Variants in BRCA1 observed in about 807,000 individuals in gnomAD.
The protein encoded by BRCA1 is BRCA1 DNA repair associated.
A neutral mutation model predicts 173.7 loss-of-function variants in BRCA1; 140 were observed. The observed-to-expected ratio is 0.81, with a 90% CI of 0.70 to 0.93. BRCA1 has a LOEUF of 0.93. Among genes scored for constraint, BRCA1 ranks in the 40% least tolerant of loss-of-function variants. The pLI is 0.00. For synonymous variants in BRCA1, 662 were observed against 756.0 expected, an observed-to-expected ratio of 0.88 and a Z score of 2.04; for missense variants, 1,983 against 2,172.5, an observed-to-expected ratio of 0.91 and a Z score of 1.73.
chr17:43,097,366 A>G, intron 7 of BRCA1, 77 bp from the exon 8 acceptor site: 1 of 1,176,620 alleles, frequency 8.5e-7, no homozygotes, highest in Non-Finnish European at 1.3e-6. Flanking sequence ...TACTTGTTGA[A>G]AAACAGATAT....
chr17:43,098,752 T>A (rs1181216060), intron 7 of BRCA1, among the ~76,000 whole-genome samples: 3 of 151,892 alleles, frequency 2.0e-5, no homozygotes, highest in Non-Finnish European at 4.4e-5. Flanking sequence ...AACCAATCCT[T>A]CTGCCTCGGT....
At chr17:43,126,312 C>T (rs1000243173), upstream of BRCA1, among the ~76,000 whole-genome samples, 2 of 152,188 alleles carry the variant, frequency 1.3e-5, no homozygotes, top group Admixed American at 6.5e-5. Context: ...TGGTAAGAGC[C>T]AATCTTCTTG....
intron 16 of BRCA1, among the ~76,000 whole-genome samples, chr17:43,066,804 C>T (rs2052093943): frequency 1.3e-5 from 2 of 149,258 alleles, no homozygotes; most frequent in Admixed American, 6.7e-5. Flanking sequence ...GCTCACCACC[C>T]TCCAAACCTT....
intron 19 of BRCA1, among the ~76,000 whole-genome samples, chr17:43,056,487 A>G (rs1188508128): frequency 3.3e-5 from 5 of 152,048 alleles, no homozygotes; most frequent in African/African-American, 1.2e-4. Context: ...CCCAGTGAAC[A>G]TTATATAAAT....
chr17:43,156,538 A>T lies in BRCA1; in HGVS notation c.-20+13588T>A, dbSNP rs2056198293. On this transcript the variant is annotated intron_variant, in intron 1 of 7. Transcript: ENST00000634433. The stretch of plus-strand genomic sequence containing the variant: ...ATGCTACTTGGGAAAATACTTCACA[A>T]CCTGAGATGACTTGTACCAATGTGG... 1.3e-5 allele frequency among the ~76,000 whole-genome samples: 2 copies of T among 152,144 alleles called. 1 individual carries two copies. The highest frequency in any genetic ancestry group is 4.1e-4 in the South Asian group (2 of 4,836).
chr17:43,169,787 T>A lies in BRCA1; in HGVS notation c.-20+339A>T. ...CCCAGAGCAGAGGGTGCAGGCCTCC[T>A]GAGCCCAGGGGCCCAGTTATCTGAG... On this transcript the variant is annotated intron_variant, in intron 1 of 7. Coordinates refer to the BRCA1 transcript ENST00000634433. 4 of 243,242 alleles carry A rather than the reference T, an allele frequency of 1.6e-5. No individual in the cohort carries two copies. The South Asian group carries it at 1.7e-4, about 10-fold the overall frequency. 15.1% of individuals were successfully genotyped at this position (243,242 alleles called of 1,614,324 possible). A position where few individuals can be genotyped will look rare whatever the true frequency, so the allele number is the denominator to read the frequency against.
upstream of BRCA1, among the ~76,000 whole-genome samples, chr17:43,129,475 T>C (rs2055946577): frequency 6.6e-6 from 1 of 152,194 alleles, no homozygotes; most frequent in African/African-American, 2.4e-5. Context: ...TTTCTTTTTT[T>C]TCTTTTTTTT....
intron 1 of BRCA1, chr17:43,169,878 T>C (rs1288219524): frequency 8.0e-6 from 3 of 374,150 alleles, no homozygotes; most frequent in Non-Finnish European, 1.6e-5. Flanking sequence ...TCACGTTTTT[T>C]TCCCCCCCTC....
intron 6 of BRCA1, among the ~76,000 whole-genome samples, chr17:43,102,035 T>C (rs2054499099): frequency 6.6e-6 from 1 of 151,974 alleles, no homozygotes; most frequent in Non-Finnish European, 1.5e-5. Flanking sequence ...CCCAAGTAGC[T>C]AGGACCACAG....
chr17:43,136,182 G>A (rs1254187014), intron 1 of BRCA1, among the ~76,000 whole-genome samples: 1 of 152,142 alleles, frequency 6.6e-6, no homozygotes, highest in Non-Finnish European at 1.5e-5. Context: ...CAGGCAATGA[G>A]GAAAGGATTC....
intron 2 of BRCA1, among the ~76,000 whole-genome samples, chr17:43,119,765 T>C (rs2055464707): frequency 6.6e-6 from 1 of 152,164 alleles, no homozygotes; most frequent in South Asian, 2.1e-4. Flanking sequence ...AAAATTGGAT[T>C]CAGTTATCAT....
At chr17:43,151,157 G>A (rs2056158913) in intron 1 of BRCA1, among the ~76,000 whole-genome samples, 1 of 152,198 alleles carries the variant, frequency 6.6e-6, no homozygotes, top group East Asian at 1.9e-4. Flanking sequence ...ACAGGCTGGA[G>A]AGGCCCAGGG....
At chr17:43,108,604 C>T (rs1277009180) in intron 3 of BRCA1, among the ~76,000 whole-genome samples, 1 of 144,100 alleles carries the variant, frequency 6.9e-6, no homozygotes, top group Non-Finnish European at 1.5e-5. Context: ...ACTTGGGAGG[C>T]TGAGGCATGA....
At chr17:43,076,728 T>A in intron 12 of BRCA1, 114 bp from the exon 13 acceptor site, 6 of 1,324,966 alleles carry the variant, frequency 4.5e-6, no homozygotes, top group Non-Finnish European at 6.4e-6. Flanking sequence ...ACAAATTGGT[T>A]TTTAAACAAG....
At chr17:43,147,406 G>T (rs1292244862) in intron 1 of BRCA1, among the ~76,000 whole-genome samples, 1 of 152,120 alleles carries the variant, frequency 6.6e-6, no homozygotes, top group Non-Finnish European at 1.5e-5. Context: ...AGCCAGGATG[G>T]TCTCGATCTC....
At chr17:43,067,383 T>C (rs1157028648) in intron 16 of BRCA1, 5 of 414,390 alleles carry the variant, frequency 1.2e-5, no homozygotes, top group Non-Finnish European at 2.3e-5. Flanking sequence ...GCCTCACGAG[T>C]AGCTGGGACT....
intron 5 of BRCA1, among the ~76,000 whole-genome samples, chr17:43,104,467 A>C (rs2054651773): frequency 6.6e-6 from 1 of 152,216 alleles, no homozygotes; most frequent in Non-Finnish European, 1.5e-5. Flanking sequence ...TACACAGACC[A>C]TCAAAGTTAT....
At chr17:43,170,047 A>G in intron 1 of BRCA1, 1 of 412,924 alleles carries the variant, frequency 2.4e-6, no homozygotes. Context: ...AGGGCAGAGT[A>G]GATGCAGGCA....
chr17:43,170,024 G>C (rs1274111965), intron 1 of BRCA1: 3 of 454,856 alleles, frequency 6.6e-6, no homozygotes, highest in African/African-American at 6.0e-5. Context: ...TCACCTCATA[G>C]TCCTGCAGAA....
Sources: allele counts gnomAD v4.1 joint callset (sites outside exome capture counted in the v4.1 genomes callset), GRCh38; gene constraint gnomAD v4.1.1; transcripts MANE v1.5; gene names NCBI Gene and HGNC (gene_info 2026-07-23, HGNC 2026-07-21).